Variants in NAV1 observed in about 807,000 individuals in gnomAD.
The protein encoded by NAV1 is neuron navigator 1.
NAV1 carries 18 observed loss-of-function variants against 175.2 expected under a neutral mutation model. That is an observed-to-expected ratio of 0.10 (90% CI 0.07 to 0.15). The LOEUF is 0.15. NAV1 is among the 10% of genes least tolerant of loss of function. The probability of loss-of-function intolerance (pLI) is 1.00; values close to 1 mark genes in which losing one functional copy is unlikely to be tolerated. For synonymous variants in NAV1, 897 were observed against 978.7 expected, an observed-to-expected ratio of 0.92 and a Z score of 1.56; for missense variants, 1,731 against 2,436.6, an observed-to-expected ratio of 0.71 and a Z score of 6.10.
At chr1:201,785,729 C>T (rs1053057902) in intron 8 of NAV1, among the ~76,000 whole-genome samples, 2 of 151,214 alleles carry the variant, frequency 1.3e-5, no homozygotes, top group Non-Finnish European at 2.9e-5. Context: ...GCAGGACCTA[C>T]CTGGTCATCC....
In NAV1 at chr1:201,819,963, G is replaced by A. The variant is rs776244456; in HGVS notation, c.*31G>A. The stretch of plus-strand genomic sequence containing the variant: ...CGGCAATCACTGTCACCCCCGGACA[G>A]CAGAACGCTGGCATCAGCTATCTTA... On this transcript the variant is annotated 3_prime_UTR_variant, in exon 30 of 30. Transcript: ENST00000367296. 1.9e-6 allele frequency: 3 copies of A among 1,598,364 alleles called. No individual in the cohort carries two copies. The Admixed American group carries it at 5.0e-5, about 27-fold the overall frequency.
intron 1 of NAV1, among the ~76,000 whole-genome samples, chr1:201,549,508 CT>C (rs1429339711): frequency 2.6e-5 from 4 of 152,234 alleles, no homozygotes; most frequent in Admixed American, 2.6e-4. Flanking sequence ...CGCGCCTGGC[CT>C]TCTGGCTTCT....
At chr1:201,698,381 G>T (rs576881456) in intron 1 of NAV1, among the ~76,000 whole-genome samples, 185 of 152,368 alleles carry the variant, frequency 1.2e-3, no homozygotes, top group African/African-American at 4.3e-3. Context: ...AGCCCCTATT[G>T]TATGGGTGGA....
At chr1:201,577,142 A>G (rs1666713456) in intron 1 of NAV1, among the ~76,000 whole-genome samples, 2 of 152,170 alleles carry the variant, frequency 1.3e-5, no homozygotes, top group African/African-American at 4.8e-5. Context: ...GTGAACCACT[A>G]TGCCTGGCCT....
intron 1 of NAV1, among the ~76,000 whole-genome samples, chr1:201,628,151 A>C (rs1668386838): frequency 6.6e-6 from 1 of 151,584 alleles, no homozygotes; most frequent in Non-Finnish European, 1.5e-5. Context: ...AAAAAAAAAA[A>C]AAAAAGAGAG....
intron 3 of NAV1, among the ~76,000 whole-genome samples, chr1:201,747,692 C>A (rs547025409): frequency 2.6e-5 from 4 of 152,310 alleles, no homozygotes; most frequent in South Asian, 4.1e-4. Flanking sequence ...CTAATGAAAT[C>A]TCTTGTTTAC....
chr1:201,668,612 GC>G (rs1669916906), intron 1 of NAV1, among the ~76,000 whole-genome samples: 2 of 152,310 alleles, frequency 1.3e-5, no homozygotes, highest in South Asian at 4.1e-4. Flanking sequence ...GAGAGGTGGT[GC>G]TGGGCGTGGG....
At position 201,781,105 on chromosome 1, in the gene NAV1, G is replaced by A. The variant is rs61753858; in HGVS notation, c.1459G>A (p.Asp487Asn). The change falls in exon 5 of 30, where the codon GAC (aspartate) becomes AAC (asparagine). Residue 487 changes from aspartate to asparagine, a missense_variant. Physicochemically the swap from Asp to Asn is conservative, Grantham distance 23 (BLOSUM62 1). Transcript: ENST00000367296. ...GAAAGCCCCTAAAAAACTGGAGTAC[G>A]ACAGTGGTAGCCTGAAGATGGAACC... is the stretch of plus-strand genomic sequence containing the variant. The A allele has an allele frequency of 1.7e-3, 2,795 of 1,614,170 alleles. 4 individuals carry two copies. Among genetic ancestry groups the A allele is most frequent in the Non-Finnish European group, 2.1e-3 (2,489 of 1,180,042 alleles).
At chr1:201,739,834 C>G in intron 3 of NAV1, 1 of 1,247,812 alleles carries the variant, frequency 8.0e-7, no homozygotes, top group Non-Finnish European at 1.0e-6. Context: ...ACTTTAAGTA[C>G]AGCTGGAGCC....
intron 3 of NAV1, among the ~76,000 whole-genome samples, chr1:201,748,055 C>A (rs965134442): frequency 6.6e-6 from 1 of 152,182 alleles, no homozygotes; most frequent in Non-Finnish European, 1.5e-5. Context: ...TTGCCTTTCC[C>A]TGGAAAGGCG....
At position 201,665,709 on chromosome 1, in the gene NAV1, G is replaced by A. The variant is rs184254759; in HGVS notation, c.757+16284G>A. On this transcript the variant is annotated intron_variant, in intron 1 of 29. Coordinates refer to ENST00000367296, the Ensembl canonical transcript of NAV1. ...TCTTAGAACACCTGGCTCCTTTACT[G>A]CAGACACACCTTTGGAGAATCATCA... 1.3e-4 allele frequency among the ~76,000 whole-genome samples: 20 copies of A among 151,560 alleles called. No individual in the cohort carries two copies. The East Asian group carries it at 3.3e-3, about 25-fold the overall frequency.
intron 1 of NAV1, among the ~76,000 whole-genome samples, chr1:201,548,430 C>T (rs559059578): frequency 6.6e-5 from 10 of 152,252 alleles, no homozygotes; most frequent in Admixed American, 5.2e-4. Flanking sequence ...GTATGGTCCT[C>T]CTGCCACAGC....
chr1:201,654,820 ACT>A (rs1669337415), intron 1 of NAV1, among the ~76,000 whole-genome samples: 2 of 151,982 alleles, frequency 1.3e-5, no homozygotes, highest in South Asian at 2.1e-4. Context: ...TTCTGTTTAC[ACT>A]CTCCTAGTGA....
chr1:201,763,281 C>T (rs1345338605), intron 3 of NAV1, among the ~76,000 whole-genome samples: 3 of 152,118 alleles, frequency 2.0e-5, no homozygotes, highest in Admixed American at 2.0e-4. Context: ...GTAGTAATAG[C>T]GACTAGTAGA....
intron 1 of NAV1, among the ~76,000 whole-genome samples, chr1:201,698,061 G>A (rs547940805): frequency 1.3e-4 from 20 of 152,302 alleles, no homozygotes; most frequent in South Asian, 6.2e-4. Flanking sequence ...CTCTAGCTCC[G>A]TGTCCTGTGG....
chr1:201,546,822 TGAACCCGG>T (rs919394821), intron 1 of NAV1, among the ~76,000 whole-genome samples: 30 of 149,544 alleles, frequency 2.0e-4, no homozygotes, highest in Non-Finnish European at 4.0e-4. Context: ...GAGAATCACT[TGAACCCGG>T]GAAGCAGAAG....
rs910277486 is a variant in NAV1, at chr1:201,807,693, A to T, written c.3649-260A>T. Reference sequence around the variant, plus strand: ...TTCCTTTCTTTCTTTCTTTCTTTTGAGATGGAGTCTCACTCTGTTGCCAGG... The same window carrying T: ...TTCCTTTCTTTCTTTCTTTCTTTTGTGATGGAGTCTCACTCTGTTGCCAGG... On this transcript the variant is annotated intron_variant, in intron 17 of 29. Transcript: ENST00000367296. The surrounding 1 kb of genome is among the most constrained non-coding windows in gnomAD (Gnocchi z 5.4). Among the ~76,000 whole-genome samples, 1 of 152,034 alleles carries T rather than the reference A, an allele frequency of 6.6e-6. No homozygotes were observed. Among genetic ancestry groups the T allele is most frequent in the Non-Finnish European group, 1.5e-5 (1 of 67,998 alleles).
intron 1 of NAV1, among the ~76,000 whole-genome samples, chr1:201,548,288 G>C (rs909016290): frequency 6.6e-6 from 1 of 152,204 alleles, no homozygotes; most frequent in African/African-American, 2.4e-5. Context: ...TATCAATAAA[G>C]GTGTAACTGC....
At chr1:201,632,269 A>G (rs1376502933) in intron 2 of NAV1, among the ~76,000 whole-genome samples, 1 of 152,230 alleles carries the variant, frequency 6.6e-6, no homozygotes, top group Non-Finnish European at 1.5e-5. Flanking sequence ...CTTGCCTCCA[A>G]CCTGGGGCAC....
Sources: gnomAD v4.1 joint callset for allele counts (sites outside exome capture counted in the v4.1 genomes callset) on GRCh38, gnomAD v4.1.1 for gene constraint, Gnocchi (gnomAD v3.1) non-coding constraint, MANE v1.5 for transcripts, NCBI Gene and HGNC (gene_info 2026-07-23, HGNC 2026-07-21) for gene names.